GPC1: variants seen among roughly 807,000 people sequenced by gnomAD.
GPC1 encodes the protein glypican-1.
GPC1 carries 26 observed loss-of-function variants against 51.5 expected under a neutral mutation model. The ratio of observed to expected loss-of-function variants is 0.50; its 90% CI spans 0.37 to 0.70. GPC1 has a LOEUF of 0.70. Ranked by LOEUF, GPC1 falls within the 30% of genes least tolerant of loss-of-function variation. GPC1 has a pLI of 0.00. For missense variants in GPC1, 775 were observed against 800.5 expected (o/e 0.97, Z 0.38); for synonymous variants, 380 against 348.3 (o/e 1.09, Z -1.01).
intron 1 of GPC1, among the ~76,000 whole-genome samples, chr2:240,447,528 G>A (rs1352712916): frequency 6.6e-6 from 1 of 152,220 alleles, no homozygotes; most frequent in South Asian, 2.1e-4. Flanking sequence ...GAGGCGGCCT[G>A]CCGGGCCTCT....
chr2:240,463,625 G>C (rs879675437), intron 4 of GPC1, 113 bp downstream of exon 4: 3 of 895,870 alleles, frequency 3.3e-6, no homozygotes, highest in Non-Finnish European at 5.1e-6. Flanking sequence ...ACCTGATCAG[G>C]GATGCCCTGA....
In GPC1 at chr2:240,448,652, G is replaced by A. The variant is rs1396600557; in HGVS notation, c.167-10378G>A. Among the ~76,000 whole-genome samples the A allele has an allele frequency of 1.3e-5, 2 of 152,050 alleles. No homozygotes were observed. Among genetic ancestry groups the A allele is most frequent in the Non-Finnish European group, 2.9e-5 (2 of 68,006 alleles). ...AGCTCACCTTTGGGGAGGCGATCAG[G>A]CAGGCACATGACAGGACCACCTGCT... On this transcript the variant is annotated intron_variant, in intron 1 of 8. Coordinates refer to ENST00000264039, the MANE Select transcript of GPC1 (RefSeq NM_002081.3). This position sits in a 1 kb window ranked among gnomAD's most constrained non-coding sequence, Gnocchi z 4.5.
chr2:240,464,238 T>C (rs2074240953), intron 4 of GPC1: 5 of 294,326 alleles, frequency 1.7e-5, no homozygotes, highest in South Asian at 1.5e-4. Flanking sequence ...CCAGCATGCA[T>C]ACACACCAGC....
intron 8 of GPC1, 75 bp from the exon 9 acceptor site, chr2:240,465,983 C>G (rs1183682237): frequency 8.3e-6 from 7 of 845,808 alleles, no homozygotes; most frequent in African/African-American, 3.4e-5. Flanking sequence ...TCACCTGGCA[C>G]GGGCCCTTAC....
intron 2 of GPC1, among the ~76,000 whole-genome samples, chr2:240,459,398 C>G (rs952593138): frequency 1.3e-5 from 2 of 152,128 alleles, no homozygotes; most frequent in Admixed American, 6.5e-5. Flanking sequence ...GGGTTTGACA[C>G]CCCCCTGGGA....
intron 1 of GPC1, chr2:240,452,415 G>C (rs189653415): frequency 6.6e-4 from 100 of 152,466 alleles, no homozygotes; most frequent in African/African-American, 2.0e-3. Context: ...AGCTTTGCGT[G>C]AGGACAGCGG....
intron 1 of GPC1, chr2:240,442,339 G>A (rs1286503538): frequency 6.6e-6 from 1 of 152,308 alleles, no homozygotes; most frequent in East Asian, 1.9e-4. Flanking sequence ...GTGTTTCCAG[G>A]GCTGTCGGAA....
chr2:240,454,648 T>C (rs1353353334), intron 1 of GPC1, among the ~76,000 whole-genome samples: 1 of 152,204 alleles, frequency 6.6e-6, no homozygotes, highest in African/African-American at 2.4e-5. Context: ...AGGCTGACTG[T>C]CCACGCCAAA....
Position 240,450,047 on chromosome 2 carries a change from C to CT in GPC1, c.167-8980dup, listed in dbSNP as rs568199157. The CT allele has an allele frequency of 1.6e-3, 596 of 381,680 alleles. 1 individual carries two copies. The highest frequency in any genetic ancestry group is 2.6e-3 in the Non-Finnish European group (488 of 189,888). 23.6% of individuals were successfully genotyped at this position (381,680 alleles called of 1,614,324 possible). A position where few individuals can be genotyped will look rare whatever the true frequency, so the allele number is the denominator to read the frequency against. ...GCTGTTCCTTTTCCTGCTTCCAGTT[C>CT]TTTGGGGCCAAATACTTTCATACTG... On this transcript the variant is annotated intron_variant, in intron 1 of 8. Coordinates refer to ENST00000264039, the MANE Select transcript of GPC1 (RefSeq NM_002081.3).
In GPC1 at chr2:240,464,922, C is replaced by T. The variant is rs769358152; in HGVS notation, c.1081C>T (p.Arg361Trp). Residue 361 changes from arginine (R) to tryptophan (W), a missense_variant, in exon 6 of 9, where the codon CGG becomes TGG. Arg to Trp is a moderately radical substitution (Grantham distance 101, BLOSUM62 -3). Transcript: ENST00000264039. ...QGPGPEEKRRRGKLAPRERPP... is the reference protein window; with the variant it reads ...QGPGPEEKRRWGKLAPRERPP... Reference sequence around the variant, plus strand: ...CCCCGGGCCTGAGGAGAAGCGGCGCCGGGGCAAGCTGGCCCCGCGGGAGAG... The same window carrying T: ...CCCCGGGCCTGAGGAGAAGCGGCGCTGGGGCAAGCTGGCCCCGCGGGAGAG... The T allele has an allele frequency of 2.0e-5, 31 of 1,551,432 alleles. No homozygotes were observed. Among genetic ancestry groups the T allele is most frequent in the East Asian group, 4.9e-5 (2 of 41,190 alleles).
chr2:240,463,508 C>G lies in GPC1; in HGVS notation c.879C>G (p.Leu293=). 2 of 1,612,646 alleles carry G rather than the reference C, an allele frequency of 1.2e-6. No individual in the cohort carries two copies. Among genetic ancestry groups the G allele is most frequent in the Non-Finnish European group, 1.7e-6 (2 of 1,179,812 alleles). Residue 293 remains leucine (L), a synonymous_variant, in exon 4 of 9, where the codon CTC becomes CTG. Transcript: ENST00000264039. ...QADLDAEWRN[L]LDSMVLITDK... ...ACCTGGACGCCGAGTGGAGGAACCTCCTGGGTGAGCCCCCACCCGCGAGAG... is the reference window on the plus strand; with the variant it reads ...ACCTGGACGCCGAGTGGAGGAACCTGCTGGGTGAGCCCCCACCCGCGAGAG...
intron 3 of GPC1, 50 bp from the exon 4 acceptor site, chr2:240,463,297 C>A (rs757318164): frequency 1.4e-5 from 22 of 1,562,736 alleles, no homozygotes; most frequent in Non-Finnish European, 1.9e-5. Flanking sequence ...TGGCCGGGGC[C>A]AGGCACCCCC....
chr2:240,436,002 G>A lies in GPC1; in HGVS notation c.84G>A (p.Lys28=). Residue 28 remains lysine (K), a synonymous_variant, in exon 1 of 9, where the codon AAG becomes AAA. Transcript: ENST00000264039. ...VACARGDPAS[K]SRSCGEVRQI... The stretch of plus-strand genomic sequence containing the variant: ...GCGCCCGCGGGGACCCGGCCAGCAA[G>A]AGCCGGAGCTGCGGCGAGGTCCGCC... 1 of 1,384,554 alleles carries A rather than the reference G, an allele frequency of 7.2e-7. No individual in the cohort carries two copies. The highest frequency in any genetic ancestry group is 9.4e-7 in the Non-Finnish European group (1 of 1,066,400). The allele number at this position is 1,384,554 out of a possible 1,614,324, so 85.8% of individuals were successfully genotyped here.
At chr2:240,457,369 C>T in intron 1 of GPC1, 1 of 453,662 alleles carries the variant, frequency 2.2e-6, no homozygotes, top group South Asian at 1.6e-5. Flanking sequence ...GATTCGGGTT[C>T]TCTGTTCCCT....
rs1468704164 is a variant in GPC1 at position 240,462,052 on chromosome 2, C to T, written c.326-139C>T. ...CATGGATGCCCACAGGGCCCACAGC[C>T]GCTGCAGTGTGGCGTCCGACTCCGA... On this transcript the variant is annotated intron_variant, in intron 2 of 8. Transcript: ENST00000264039. 11 of 839,224 alleles carry T rather than the reference C, an allele frequency of 1.3e-5. No individual in the cohort carries two copies. In the South Asian group the frequency reaches 2.0e-4, roughly 15 times the overall value. The allele number at this position is 839,224 out of a possible 1,614,324, so 52.0% of individuals were successfully genotyped here.
In GPC1 at chr2:240,465,171, C is replaced by T; in HGVS notation, c.1229C>T (p.Ala410Val). 1.9e-6 allele frequency: 3 copies of T among 1,612,020 alleles called. No homozygotes were observed. Among genetic ancestry groups the T allele is most frequent in the Non-Finnish European group, 2.5e-6 (3 of 1,179,496 alleles). Residue 410 changes from alanine to valine, a missense_variant, in exon 7 of 9, where the codon GCC becomes GTC. Coordinates refer to ENST00000264039, the MANE Select transcript of GPC1 (RefSeq NM_002081.3). ...AGTGAGAAGATGGCCCTGAGCACTG[C>T]CAGTGATGACCGCTGCTGGAACGGG... ...LCSEKMALST[A>V]SDDRCWNGMA... is the part of the protein sequence containing the mutation.
At chr2:240,436,383 G>C (rs1574752479) in intron 1 of GPC1, among the ~76,000 whole-genome samples, 1 of 152,072 alleles carries the variant, frequency 6.6e-6, no homozygotes, top group South Asian at 2.1e-4. Context: ...CGGGCTGCGG[G>C]CTCGGGGCGC....
In GPC1 at chr2:240,445,335, A is replaced by G. The variant is rs538116538; in HGVS notation, c.166+9251A>G. Among the ~76,000 whole-genome samples the G allele has an allele frequency of 7.9e-5, 12 of 152,280 alleles. No individual in the cohort carries two copies. In the East Asian group the frequency reaches 1.6e-3, roughly 20 times the overall value. On this transcript the variant is annotated intron_variant, in intron 1 of 8. Transcript: ENST00000264039. ...CCAAGCGGGAGCAGTTGCCCTGGGC[A>G]CTTGTGACATCCCAGTGATTGAGGA...
chr2:240,465,679 G>C, intron 8 of GPC1, 31 bp downstream of exon 8: 1 of 1,601,960 alleles, frequency 6.2e-7, no homozygotes, highest in East Asian at 2.2e-5. Flanking sequence ...GGCGGCCAAG[G>C]GGCCAGGGTT....
Sources: allele counts gnomAD v4.1 joint callset (sites outside exome capture counted in the v4.1 genomes callset), GRCh38; gene constraint gnomAD v4.1.1; non-coding constraint Gnocchi (gnomAD v3.1); transcripts MANE v1.5; gene names NCBI Gene and HGNC (gene_info 2026-07-23, HGNC 2026-07-21).